The following MAGI2 variants were observed in gnomAD, a reference collection of about 807,000 sequenced individuals.
The protein encoded by MAGI2 is membrane associated guanylate kinase, WW and PDZ domain containing 2, also known as membrane-associated guanylate kinase, WW and PDZ domain-containing protein 2.
In MAGI2, 35 loss-of-function variants were observed where a neutral mutation model predicts 133.3. That is an observed-to-expected ratio of 0.26 (90% CI 0.20 to 0.35). The LOEUF (loss-of-function observed/expected upper bound fraction) is 0.35. Among genes scored for constraint, MAGI2 ranks in the 10% least tolerant of loss-of-function variants. The probability of loss-of-function intolerance (pLI) is 1.00; values close to 1 mark genes in which losing one functional copy is unlikely to be tolerated. For missense variants in MAGI2, 1,636 were observed against 1,863.4 expected, an observed-to-expected ratio of 0.88 and a Z score of 2.25; for synonymous variants, 729 against 710.6, an observed-to-expected ratio of 1.03 and a Z score of -0.41.
intron 3 of MAGI2, among the ~76,000 whole-genome samples, chr7:78,569,147 C>CAT (rs149722220): frequency 2.3e-4 from 35 of 150,550 alleles, no homozygotes; most frequent in Middle Eastern, 3.4e-3. Flanking sequence ...CACACACACA[C>CAT]GTCACTATTC....
chr7:78,575,161 T>A (rs113453046), intron 3 of MAGI2, among the ~76,000 whole-genome samples: 5,728 of 151,118 alleles, frequency 0.038, 254 homozygotes, highest in African/African-American at 0.11. Context: ...ACAAACACTT[T>A]AAAAAAAAAT....
chr7:78,669,440 G>A (rs1031310464), intron 2 of MAGI2, among the ~76,000 whole-genome samples: 23 of 151,334 alleles, frequency 1.5e-4, no homozygotes, highest in Non-Finnish European at 2.8e-4. Context: ...TAGCTTACCA[G>A]CCAAAAAGAG....
chr7:78,518,260 C>G (rs1277133300), intron 4 of MAGI2: 2 of 152,070 alleles, frequency 1.3e-5, no homozygotes, highest in African/African-American at 4.8e-5. Flanking sequence ...GAAAGATATA[C>G]AGGTAAAATA....
chr7:78,987,329 A>G (rs1045935284), intron 2 of MAGI2, among the ~76,000 whole-genome samples: 1 of 152,210 alleles, frequency 6.6e-6, no homozygotes, highest in Admixed American at 6.5e-5. Flanking sequence ...TCTGCTTATA[A>G]TGACTATTAT....
At chr7:78,692,603 A>T (rs964564045) in intron 2 of MAGI2, among the ~76,000 whole-genome samples, 2 of 152,222 alleles carry the variant, frequency 1.3e-5, no homozygotes, top group African/African-American at 4.8e-5. Context: ...TTAATTTTCC[A>T]TATTTACATA....
At chr7:78,085,121 C>G (rs1028015046) in intron 20 of MAGI2, among the ~76,000 whole-genome samples, 7 of 152,172 alleles carry the variant, frequency 4.6e-5, no homozygotes, top group Admixed American at 6.5e-5. Context: ...CAATTGGAAA[C>G]TGAAACACAT....
At chr7:78,511,952 C>T (rs1795627140) in intron 4 of MAGI2, among the ~76,000 whole-genome samples, 1 of 149,888 alleles carries the variant, frequency 6.7e-6, no homozygotes, top group Non-Finnish European at 1.5e-5. Flanking sequence ...CACCAAAAAA[C>T]AAAAACAAAA....
chr7:79,100,661 GTATAT>G (rs1248776384), intron 1 of MAGI2, among the ~76,000 whole-genome samples: 2 of 151,298 alleles, frequency 1.3e-5, no homozygotes, highest in African/African-American at 4.8e-5. Flanking sequence ...AAAAAATTAT[GTATAT>G]TATATTATTT....
intron 1 of MAGI2, among the ~76,000 whole-genome samples, chr7:79,113,713 T>C (rs1188591738): frequency 6.6e-6 from 1 of 152,148 alleles, no homozygotes; most frequent in Non-Finnish European, 1.5e-5. Context: ...AACTAAACCA[T>C]GGTAACTGAA....
intron 6 of MAGI2, among the ~76,000 whole-genome samples, chr7:78,390,665 C>T (rs1277633658): frequency 1.3e-5 from 2 of 151,900 alleles, no homozygotes; most frequent in African/African-American, 4.8e-5. Context: ...GGAAGCTACT[C>T]TATATTAAGA....
chr7:78,309,977 C>T (rs973351033), intron 9 of MAGI2, among the ~76,000 whole-genome samples: 2 of 152,190 alleles, frequency 1.3e-5, no homozygotes, highest in African/African-American at 4.8e-5. Flanking sequence ...GTGGTAGCAA[C>T]ATTGGCCCTT....
chr7:78,600,454 T>C (rs1805079906), intron 3 of MAGI2, among the ~76,000 whole-genome samples: 2 of 152,126 alleles, frequency 1.3e-5, no homozygotes, highest in Admixed American at 6.5e-5. Context: ...CAAAAAATGA[T>C]TAACAGATTG....
At chr7:78,656,515 A>G (rs1203640482) in intron 2 of MAGI2, among the ~76,000 whole-genome samples, 1 of 152,038 alleles carries the variant, frequency 6.6e-6, no homozygotes, top group African/African-American at 2.4e-5. Flanking sequence ...CAGTGGTTCT[A>G]CTCTACCAGG....
intron 12 of MAGI2, among the ~76,000 whole-genome samples, chr7:78,188,681 T>C (rs1308785067): frequency 6.6e-6 from 1 of 152,184 alleles, no homozygotes; most frequent in Non-Finnish European, 1.5e-5. Context: ...CAAATCAGGC[T>C]GGGGCTTGAT....
intron 6 of MAGI2, among the ~76,000 whole-genome samples, chr7:78,446,250 T>G (rs995204481): frequency 6.6e-6 from 1 of 152,078 alleles, no homozygotes; most frequent in Non-Finnish European, 1.5e-5. Flanking sequence ...AAAAACCTTT[T>G]TACTCGGCCA....
chr7:79,220,783 C>T (rs993402621), intron 1 of MAGI2, among the ~76,000 whole-genome samples: 5 of 152,076 alleles, frequency 3.3e-5, no homozygotes, highest in Admixed American at 6.5e-5. Flanking sequence ...CATTAAAATA[C>T]TGAAAAACCT....
At chr7:79,072,102 T>C (rs1382512762) in intron 1 of MAGI2, among the ~76,000 whole-genome samples, 1 of 152,132 alleles carries the variant, frequency 6.6e-6, no homozygotes, top group African/African-American at 2.4e-5. Flanking sequence ...CTGCTTCAGC[T>C]TGCCCTCCAT....
At chr7:78,353,507 A>C (rs1042414923) in intron 7 of MAGI2, among the ~76,000 whole-genome samples, 1 of 152,172 alleles carries the variant, frequency 6.6e-6, no homozygotes, top group Admixed American at 6.5e-5. Flanking sequence ...ATCCTGCATA[A>C]GTTAAGATGA....
chr7:79,252,615 T>C (rs1833391838), intron 1 of MAGI2, among the ~76,000 whole-genome samples: 1 of 152,216 alleles, frequency 6.6e-6, no homozygotes, highest in South Asian at 2.1e-4. Context: ...ATTGAGTTGT[T>C]TGTAACACAA....
Sources: gnomAD v4.1 joint callset for allele counts (sites outside exome capture counted in the v4.1 genomes callset) on GRCh38, gnomAD v4.1.1 for gene constraint, MANE v1.5 for transcripts, NCBI Gene and HGNC (gene_info 2026-07-23, HGNC 2026-07-21) for gene names.